Variants in MAF observed in about 807,000 individuals in gnomAD.
MAF encodes the protein MAF bZIP transcription factor, also known as transcription factor Maf.
In MAF, 10 loss-of-function variants were observed where a neutral mutation model predicts 22.0. The ratio of observed to expected loss-of-function variants is 0.45; its 90% CI spans 0.28 to 0.77. MAF has a LOEUF of 0.77. Among genes scored for constraint, MAF ranks in the 30% least tolerant of loss-of-function variants. The probability of loss-of-function intolerance (pLI) is 0.12; values close to 1 mark genes in which losing one functional copy is unlikely to be tolerated. For missense variants in MAF, 544 were observed against 548.4 expected, an observed-to-expected ratio of 0.99 and a Z score of 0.08; for synonymous variants, 337 against 255.8, an observed-to-expected ratio of 1.32 and a Z score of -3.03.
the MAF span, among the ~76,000 whole-genome samples, chr16:79,563,406 G>A: frequency 6.6e-6 from 1 of 151,680 alleles, no homozygotes; most frequent in African/African-American, 2.4e-5. Flanking sequence ...TTTCTGTTAA[G>A]TACATCTTTA....
chr16:79,516,686 C>G, the MAF span, among the ~76,000 whole-genome samples: 1 of 152,158 alleles, frequency 6.6e-6, no homozygotes, highest in Non-Finnish European at 1.5e-5. Context: ...TTTATTATTA[C>G]CATTTGGTAA....
chr16:79,269,981 T>C, the MAF span, among the ~76,000 whole-genome samples: 14,082 of 152,182 alleles, frequency 0.093, 779 homozygotes, highest in Middle Eastern at 0.13. Context: ...AATGAATGCA[T>C]TGGTTTCATT....
At chr16:79,484,200 A>G in the MAF span, among the ~76,000 whole-genome samples, 4 of 152,234 alleles carry the variant, frequency 2.6e-5, no homozygotes, top group Non-Finnish European at 4.4e-5. Flanking sequence ...AACAAACATC[A>G]GAACCAAGGC....
chr16:79,569,401 A>T, the MAF span, among the ~76,000 whole-genome samples: 1 of 152,196 alleles, frequency 6.6e-6, no homozygotes. Context: ...TGGCAGCTGC[A>T]GAGCTGGGGA....
At chr16:79,506,151 A>G in the MAF span, among the ~76,000 whole-genome samples, 1 of 152,198 alleles carries the variant, frequency 6.6e-6, no homozygotes, top group Non-Finnish European at 1.5e-5. Context: ...TTGGAGTTGG[A>G]TTAATGATAG....
intron 1 of MAF, chr16:79,595,455 T>G: frequency 9.5e-7 from 1 of 1,057,788 alleles, no homozygotes; most frequent in Non-Finnish European, 1.1e-6. Context: ...ACAAAAGTCA[T>G]CGTGTTTGGC....
chr16:79,357,420 A>C, the MAF span, among the ~76,000 whole-genome samples: 5 of 152,332 alleles, frequency 3.3e-5, no homozygotes, highest in East Asian at 9.7e-4. Context: ...CAACAGAGTG[A>C]GACACTGTCT....
chr16:79,219,144 G>T, the MAF span, among the ~76,000 whole-genome samples: 1 of 152,192 alleles, frequency 6.6e-6, no homozygotes, highest in Non-Finnish European at 1.5e-5. Flanking sequence ...TCAAAACAGA[G>T]TTACGCAAAT....
chr16:79,419,359 C>A, the MAF span, among the ~76,000 whole-genome samples: 1 of 152,190 alleles, frequency 6.6e-6, no homozygotes, highest in African/African-American at 2.4e-5. Flanking sequence ...ACGTTTGACT[C>A]AGCACAAATG....
At chr16:79,492,861 C>T in the MAF span, among the ~76,000 whole-genome samples, 1 of 152,160 alleles carries the variant, frequency 6.6e-6, no homozygotes, top group Non-Finnish European at 1.5e-5. Flanking sequence ...GATATGAGAT[C>T]ATACTAGGAG....
chr16:79,502,684 AAT>A, the MAF span, among the ~76,000 whole-genome samples: 875 of 17,644 alleles, frequency 0.05, 69 homozygotes, highest in African/African-American at 0.095. Context: ...AATAAATATA[AAT>A]ATAAATATAA....
the MAF span, among the ~76,000 whole-genome samples, chr16:79,434,621 C>T: frequency 1.3e-5 from 2 of 150,878 alleles, no homozygotes; most frequent in East Asian, 3.9e-4. Flanking sequence ...TTTTAAAGCA[C>T]AATATATATT....
chr16:79,305,784 A>G, the MAF span, among the ~76,000 whole-genome samples: 1 of 152,290 alleles, frequency 6.6e-6, no homozygotes, highest in South Asian at 2.1e-4. Flanking sequence ...TGCACAGAAG[A>G]GCTGGAAAAG....
chr16:79,528,199 T>C, the MAF span, among the ~76,000 whole-genome samples: 1 of 152,198 alleles, frequency 6.6e-6, no homozygotes, highest in Non-Finnish European at 1.5e-5. Context: ...GATCTCATAT[T>C]CCAAGAGCTT....
the MAF span, among the ~76,000 whole-genome samples, chr16:79,502,663 C>T: frequency 7.6e-6 from 1 of 130,818 alleles, no homozygotes; most frequent in Non-Finnish European, 1.6e-5. Context: ...TAGACCTTGT[C>T]TCCAAAAATA....
the MAF span, among the ~76,000 whole-genome samples, chr16:79,407,988 A>AGATC: frequency 6.8e-6 from 1 of 148,046 alleles, no homozygotes; most frequent in East Asian, 2.1e-4. Context: ...TCTCAGAGGG[A>AGATC]GATCGACCCT....
At chr16:79,247,338 C>A in the MAF span, among the ~76,000 whole-genome samples, 21 of 152,328 alleles carry the variant, frequency 1.4e-4, no homozygotes, top group Middle Eastern at 3.4e-3. Flanking sequence ...GATTTGATAT[C>A]TTTTGATACT....
At position 79,599,331 on chromosome 16, in the gene MAF, T is replaced by C. The variant is rs1913834387; in HGVS notation, c.572A>G (p.His191Arg). 1.0e-6 allele frequency: 1 copy of C among 986,282 alleles called. No individual in the cohort carries two copies. Among genetic ancestry groups the C allele is most frequent in the African/African-American group, 1.8e-5 (1 of 56,300 alleles). 61.1% of individuals were successfully genotyped at this position (986,282 alleles called of 1,614,324 possible). ...YHHHHHHAAG[H>R]HHHPTAGAPG... ...CGCGCCGGCCGTCGGGTGGTGGTGG[T>C]GGCCGGCGGCGTGGTGGTGGTGGTG... The change falls in exon 1 of 2, where the codon CAC (histidine) becomes CGC (arginine). Residue 191 changes from histidine (H) to arginine (R), a missense_variant. Physicochemically the swap from His to Arg is conservative, Grantham distance 29 (BLOSUM62 0). Around this residue, in one of 5 missense-constraint regions of MAF, gnomAD observed 342 missense variants for 315.5 expected, o/e 1.08. Transcript: ENST00000326043.
At chr16:79,510,756 C>A in the MAF span, among the ~76,000 whole-genome samples, 2 of 152,168 alleles carry the variant, frequency 1.3e-5, no homozygotes, top group Non-Finnish European at 2.9e-5. Flanking sequence ...AATTTTTGAA[C>A]AAGAAGCTCC....
Sources: gnomAD v4.1 joint callset for allele counts (sites outside exome capture counted in the v4.1 genomes callset) on GRCh38, gnomAD v4.1.1 for gene constraint, gnomAD v4.1.1 regional missense constraint, MANE v1.5 for transcripts, NCBI Gene and HGNC (gene_info 2026-07-23, HGNC 2026-07-21) for gene names.